Variants in ETV6 observed in about 807,000 individuals in gnomAD.
The protein encoded by ETV6 is ETS variant transcription factor 6.
ETV6 carries 16 observed loss-of-function variants against 51.1 expected under a neutral mutation model. The observed-to-expected ratio is 0.31, with a 90% CI of 0.21 to 0.48. ETV6 has a LOEUF of 0.48. Among genes scored for constraint, ETV6 ranks in the 20% least tolerant of loss-of-function variants. ETV6 has a pLI of 0.99. For missense variants in ETV6, 458 were observed against 594.8 expected, an observed-to-expected ratio of 0.77 and a Z score of 2.39; for synonymous variants, 240 against 224.1, an observed-to-expected ratio of 1.07 and a Z score of -0.64.
intron 1 of ETV6, among the ~76,000 whole-genome samples, chr12:11,670,610 C>T (rs1864294636): frequency 6.6e-6 from 1 of 152,166 alleles, no homozygotes; most frequent in Non-Finnish European, 1.5e-5. Context: ...CTAACCCCAC[C>T]ATAGGGCAGC....
intron 2 of ETV6, among the ~76,000 whole-genome samples, chr12:11,774,686 AACCTGTTTCAGCTAACC>A (rs1945293829): frequency 6.6e-6 from 1 of 152,210 alleles, no homozygotes; most frequent in Non-Finnish European, 1.5e-5. Flanking sequence ...GTTACCTGTA[AACCTGTTTCAGCTAACC>A]ACCTTTTCTA....
chr12:11,768,414 C>CAG (rs1368215001), intron 2 of ETV6, among the ~76,000 whole-genome samples: 1 of 152,170 alleles, frequency 6.6e-6, no homozygotes, highest in Non-Finnish European at 1.5e-5. Flanking sequence ...TTTACACATA[C>CAG]AGAAACTAGG....
intron 1 of ETV6, among the ~76,000 whole-genome samples, chr12:11,711,087 G>A (rs1865164228): frequency 6.6e-6 from 1 of 152,188 alleles, no homozygotes; most frequent in Non-Finnish European, 1.5e-5. Context: ...GCACTCTTTA[G>A]TTTGACCACC....
chr12:11,772,571 G>C (rs146864364), intron 2 of ETV6, among the ~76,000 whole-genome samples: 4 of 152,288 alleles, frequency 2.6e-5, no homozygotes, highest in African/African-American at 9.6e-5. Context: ...GGGTATAGGG[G>C]AGTTAAACTA....
chr12:11,701,884 A>T (rs1864990161), intron 1 of ETV6, among the ~76,000 whole-genome samples: 2 of 152,218 alleles, frequency 1.3e-5, no homozygotes, highest in Admixed American at 1.3e-4. Context: ...GGCAGAGAAG[A>T]AAAGGATGGT....
chr12:11,852,553 G>C (rs1946573101), intron 3 of ETV6, among the ~76,000 whole-genome samples: 1 of 152,136 alleles, frequency 6.6e-6, no homozygotes, highest in African/African-American at 2.4e-5. Context: ...GAATCTATGA[G>C]TTGTCATTGG....
chr12:11,721,819 C>A (rs1245287929), intron 1 of ETV6, among the ~76,000 whole-genome samples: 1 of 152,184 alleles, frequency 6.6e-6, no homozygotes, highest in East Asian at 1.9e-4. Flanking sequence ...CATTAGTTTC[C>A]TTATTTTTCT....
rs548688905 is a variant in ETV6, at chr12:11,668,702, C to T, written c.33+18542C>T. On this transcript the variant is annotated intron_variant, in intron 1 of 7. Coordinates refer to ENST00000396373, the MANE Select transcript of ETV6 (RefSeq NM_001987.5). Reference sequence around the variant, plus strand: ...GACACTTAAGCCTTATGCTTCAGGGCGGAATCTGATCACAAGTTGAGATCA... The same window carrying T: ...GACACTTAAGCCTTATGCTTCAGGGTGGAATCTGATCACAAGTTGAGATCA... Among the ~76,000 whole-genome samples, 412 of 152,290 alleles carry T rather than the reference C, an allele frequency of 2.7e-3. 1 individual carries two copies. Among genetic ancestry groups the T allele is most frequent in the Non-Finnish European group, 4.7e-3 (321 of 68,026 alleles).
chr12:11,683,796 A>G (rs1304541360), intron 1 of ETV6, among the ~76,000 whole-genome samples: 7 of 152,176 alleles, frequency 4.6e-5, no homozygotes. Context: ...AAAATTCCCT[A>G]AAGGGCTCTT....
At chr12:11,707,579 G>C (rs113041839) in intron 1 of ETV6, among the ~76,000 whole-genome samples, 8 of 152,140 alleles carry the variant, frequency 5.3e-5, no homozygotes, top group Non-Finnish European at 1.2e-4. Flanking sequence ...GATTGCTTTA[G>C]CCACTGATGA....
intron 5 of ETV6, among the ~76,000 whole-genome samples, chr12:11,880,965 C>G (rs568582691): frequency 1.8e-4 from 27 of 152,276 alleles, no homozygotes; most frequent in East Asian, 1.5e-3. Flanking sequence ...CAGTCTCACT[C>G]TGTCACTCTA....
At chr12:11,673,526 G>C (rs1864359394) in intron 1 of ETV6, among the ~76,000 whole-genome samples, 1 of 152,180 alleles carries the variant, frequency 6.6e-6, no homozygotes, top group Non-Finnish European at 1.5e-5. Context: ...GTCTAGACCT[G>C]GAGTTTTTAG....
intron 1 of ETV6, among the ~76,000 whole-genome samples, chr12:11,676,890 G>A (rs1864431147): frequency 6.6e-6 from 1 of 152,192 alleles, no homozygotes; most frequent in Non-Finnish European, 1.5e-5. Context: ...GCTCTCCCGA[G>A]CATTCTTATC....
intron 3 of ETV6, among the ~76,000 whole-genome samples, chr12:11,849,570 G>A (rs908297346): frequency 2.0e-5 from 3 of 152,240 alleles, no homozygotes; most frequent in African/African-American, 2.4e-5. Context: ...ACCTGCTATA[G>A]ACAAGACACA....
At chr12:11,697,296 TA>T (rs1389677214) in intron 1 of ETV6, among the ~76,000 whole-genome samples, 3 of 152,184 alleles carry the variant, frequency 2.0e-5, no homozygotes, top group Non-Finnish European at 2.9e-5. Flanking sequence ...TTCGTGGTTG[TA>T]ACTTCACAGA....
At chr12:11,768,161 G>C (rs1945190209) in intron 2 of ETV6, among the ~76,000 whole-genome samples, 1 of 151,740 alleles carries the variant, frequency 6.6e-6, no homozygotes. Flanking sequence ...TGTAGTTTTA[G>C]GACTGCTGCA....
intron 5 of ETV6, among the ~76,000 whole-genome samples, chr12:11,883,919 C>T (rs956857084): frequency 6.6e-6 from 1 of 152,192 alleles, no homozygotes; most frequent in Non-Finnish European, 1.5e-5. Flanking sequence ...TTTCACTCCT[C>T]ACTCCTTTTT....
At chr12:11,748,858 T>G (rs1865956138) in intron 1 of ETV6, among the ~76,000 whole-genome samples, 1 of 152,180 alleles carries the variant, frequency 6.6e-6, no homozygotes, top group Admixed American at 6.5e-5. Context: ...CCTTACGCTT[T>G]CAAGAGACAA....
chr12:11,756,333 G>A lies in ETV6; in HGVS notation c.163+3754G>A, dbSNP rs555061151. On this transcript the variant is annotated intron_variant, in intron 2 of 7. Coordinates refer to ENST00000396373, the MANE Select transcript of ETV6 (RefSeq NM_001987.5). The stretch of plus-strand genomic sequence containing the variant: ...CTACAGCAGAACCCCTCTGCTTACC[G>A]GGAGAGCAAACACAAGTATGTTTGT... Among the ~76,000 whole-genome samples, 76 of 152,198 alleles carry A rather than the reference G, an allele frequency of 5.0e-4. 1 individual carries two copies. The highest frequency in any genetic ancestry group is 1.8e-3 in the African/African-American group (76 of 41,522).
Sources: gnomAD v4.1 joint callset for allele counts (sites outside exome capture counted in the v4.1 genomes callset) on GRCh38, gnomAD v4.1.1 for gene constraint, MANE v1.5 for transcripts, NCBI Gene and HGNC (gene_info 2026-07-23, HGNC 2026-07-21) for gene names.